SACS: variants seen among roughly 807,000 people sequenced by gnomAD.
SACS encodes sacsin molecular chaperone, also known as sacsin.
Under a neutral mutation model 348.0 loss-of-function variants are expected in SACS, and 197 were observed. That is an observed-to-expected ratio of 0.57 (90% CI 0.50 to 0.64). SACS has a LOEUF of 0.64. SACS is among the 30% of genes least tolerant of loss of function. SACS has a pLI of 0.00. For synonymous variants in SACS, 1,985 were observed against 1,910.6 expected, an observed-to-expected ratio of 1.04 and a Z score of -1.02; for missense variants, 4,999 against 5,360.8, an observed-to-expected ratio of 0.93 and a Z score of 2.11.
At chr13:23,368,906 A>G (rs180732904) in intron 4 of SACS, among the ~76,000 whole-genome samples, 164 of 152,146 alleles carry the variant, frequency 1.1e-3, no homozygotes, top group African/African-American at 2.7e-3. Context: ...TCACCATGTT[A>G]GCCAGGATGG....
At chr13:23,391,014 C>T (rs1038735143) in intron 2 of SACS, among the ~76,000 whole-genome samples, 1 of 152,226 alleles carries the variant, frequency 6.6e-6, no homozygotes, top group Non-Finnish European at 1.5e-5. Context: ...CCCCTCAGTG[C>T]AGACGCCACC....
rs768194797 is a variant in SACS at position 23,354,953 on chromosome 13, G to C, written c.1659C>G (p.Phe553Leu). Residue 553 changes from phenylalanine to leucine, a missense_variant, in exon 8 of 10, where the codon TTC becomes TTG. This residue lies in a region of SACS where 3,156 missense variants were observed against 3,380.1 expected (regional missense o/e 0.93). Transcript: ENST00000382292. ...VHWQPVLEPL[F>L]SELLQNAVIY... Reference sequence around the variant, plus strand: ...TCACTGCATTCTGCAACAGCTCGCTGAATAGAGGCTCTAACACCGGTTGCC... The same window carrying C: ...TCACTGCATTCTGCAACAGCTCGCTCAATAGAGGCTCTAACACCGGTTGCC... The C allele has an allele frequency of 6.2e-7, 1 of 1,614,216 alleles. No homozygotes were observed. Among genetic ancestry groups the C allele is most frequent in the Non-Finnish European group, 8.5e-7 (1 of 1,180,048 alleles).
rs375061528 is a variant in SACS at position 23,339,457 on chromosome 13, T to G, written c.4419A>C (p.Ser1473=). 1.2e-5 allele frequency: 20 copies of G among 1,605,740 alleles called. No homozygotes were observed. Among genetic ancestry groups the G allele is most frequent in the Non-Finnish European group, 1.5e-5 (18 of 1,176,078 alleles). Residue 1473 remains serine, a synonymous_variant, in exon 10 of 10, where the codon TCA becomes TCC. Transcript: ENST00000382292. ...RIKNILEEYP[S]VSDIFKELLQ... ...GTAGTTCTTTAAAAATATCTGACAC[T>G]GAAGGGTATTCTTCCAGAATATTTT...
intron 2 of SACS, among the ~76,000 whole-genome samples, chr13:23,406,635 G>A (rs1873229872): frequency 6.6e-6 from 1 of 152,038 alleles, no homozygotes; most frequent in Non-Finnish European, 1.5e-5. Flanking sequence ...ATGAATTTTA[G>A]TATTTTCAAA....
chr13:23,343,185 C>T (rs1052922175), intron 9 of SACS, among the ~76,000 whole-genome samples: 4 of 152,136 alleles, frequency 2.6e-5, no homozygotes, highest in African/African-American at 9.7e-5. Flanking sequence ...TGATTTTAAC[C>T]ACTGGCCTAG....
intron 6 of SACS, among the ~76,000 whole-genome samples, chr13:23,363,974 C>T (rs73442918): frequency 0.011 from 1,711 of 152,254 alleles, 33 homozygotes; most frequent in African/African-American, 0.039. Flanking sequence ...GGCTAATCCT[C>T]TTATTATAAA....
At chr13:23,423,987 C>T (rs949967632) in intron 1 of SACS, among the ~76,000 whole-genome samples, 3 of 152,128 alleles carry the variant, frequency 2.0e-5, no homozygotes, top group African/African-American at 7.2e-5. Flanking sequence ...TTGTGATGTG[C>T]TGTTTTATAT....
In SACS at chr13:23,355,297, C is replaced by G; in HGVS notation, c.1315G>C (p.Asp439His). Residue 439 changes from aspartate (D) to histidine (H), a missense_variant, in exon 8 of 10, where the codon GAT (aspartate) becomes CAT (histidine). Asp to His is a moderately conservative substitution (Grantham distance 81). Around this residue, in one of 6 missense-constraint regions of SACS, gnomAD observed 3,156 missense variants for 3,380.1 expected, o/e 0.93. Coordinates refer to ENST00000382292, the MANE Select transcript of SACS (RefSeq NM_014363.6). Reference sequence around the variant, plus strand: ...AAACAAAATGCTTTTCCTGAGAAATCAGACGTTGCTCCTTTTGCTTCATCA... The same window carrying G: ...AAACAAAATGCTTTTCCTGAGAAATGAGACGTTGCTCCTTTTGCTTCATCA... Reference protein sequence around the residue: ...RDDEAKGATSDFSGKAFCFLP... With the variant: ...RDDEAKGATSHFSGKAFCFLP... 2 of 1,614,160 alleles carry G rather than the reference C, an allele frequency of 1.2e-6. No homozygotes were observed. Among genetic ancestry groups the G allele is most frequent in the Non-Finnish European group, 8.5e-7 (1 of 1,180,040 alleles).
Position 23,371,148 on chromosome 13 carries a change from C to T in SACS, c.189G>A (p.Lys63=), listed in dbSNP as rs1320060148. 1.2e-6 allele frequency: 2 copies of T among 1,610,578 alleles called. No homozygotes were observed. Among genetic ancestry groups the T allele is most frequent in the African/African-American group, 2.7e-5 (2 of 74,848 alleles). ...RGGRELSDWI[K]IGDLTSKNCH... ...AATTTTTGGAAGTCAGATCTCCAATCTTGATCCAGTCAGATAACTGAAAAA... is the reference window on the plus strand; with the variant it reads ...AATTTTTGGAAGTCAGATCTCCAATTTTGATCCAGTCAGATAACTGAAAAA... The change falls in exon 4 of 10, where the codon AAG becomes AAA. Residue 63 remains lysine, a synonymous_variant. Transcript: ENST00000382292.
intron 2 of SACS, among the ~76,000 whole-genome samples, chr13:23,386,536 T>C (rs1358663257): frequency 6.6e-6 from 1 of 152,242 alleles, no homozygotes; most frequent in African/African-American, 2.4e-5. Context: ...GGTTTGATCT[T>C]CTATCCAGAC....
At chr13:23,391,695 GCA>G (rs1593169472) in intron 2 of SACS, among the ~76,000 whole-genome samples, 1 of 152,172 alleles carries the variant, frequency 6.6e-6, no homozygotes, top group East Asian at 1.9e-4. Flanking sequence ...TTCCCCCTTT[GCA>G]CATAAACCCA....
intron 4 of SACS, among the ~76,000 whole-genome samples, chr13:23,369,585 C>T (rs530668878): frequency 2.7e-4 from 41 of 151,478 alleles, no homozygotes; most frequent in African/African-American, 9.7e-4. Flanking sequence ...CCTTCTATTG[C>T]TCAGGCTGGA....
intron 1 of SACS, among the ~76,000 whole-genome samples, chr13:23,414,641 G>C (rs1388658633): frequency 6.6e-6 from 1 of 152,162 alleles, no homozygotes; most frequent in Admixed American, 6.5e-5. Flanking sequence ...AAACAGCATA[G>C]AGCTCTGTGG....
intron 2 of SACS, among the ~76,000 whole-genome samples, chr13:23,378,403 A>G (rs1055025267): frequency 6.6e-6 from 1 of 152,198 alleles, no homozygotes; most frequent in Non-Finnish European, 1.5e-5. Context: ...TTCAAGGAAT[A>G]TTAAAACCAC....
At chr13:23,387,796 A>G (rs1468916192) in intron 2 of SACS, among the ~76,000 whole-genome samples, 2 of 152,192 alleles carry the variant, frequency 1.3e-5, no homozygotes, top group Non-Finnish European at 2.9e-5. Flanking sequence ...AAACTTTTTT[A>G]TTACAACATG....
chr13:23,344,252 A>G (rs933195470), intron 9 of SACS, among the ~76,000 whole-genome samples: 1 of 152,246 alleles, frequency 6.6e-6, no homozygotes, highest in East Asian at 1.9e-4. Flanking sequence ...TTTGTGCTCT[A>G]TGTTAATAAT....
intron 2 of SACS, among the ~76,000 whole-genome samples, chr13:23,397,040 C>A (rs1438032904): frequency 6.6e-6 from 1 of 152,056 alleles, no homozygotes; most frequent in Non-Finnish European, 1.5e-5. Context: ...TATAAGACAG[C>A]ATAATCCTAT....
chr13:23,330,183 C>T lies in SACS; in HGVS notation c.13693G>A (p.Ala4565Thr), dbSNP rs2137547513. Residue 4565 changes from alanine to threonine, a missense_variant, in exon 10 of 10, where the codon GCC becomes ACC. This residue lies in a region of SACS where 254 missense variants were observed against 275.1 expected (regional missense o/e 0.92). Coordinates refer to ENST00000382292, the MANE Select transcript of SACS (RefSeq NM_014363.6). Reference protein sequence around the residue: ...EVAMRVMECTACIIIKLENFM... With the variant: ...EVAMRVMECTTCIIIKLENFM... ...TTTTCAAGTTTTATTATGATACAGG[C>T]AGTACATTCCATCACCCTCATAGCA... The T allele has an allele frequency of 6.2e-7, 1 of 1,614,046 alleles. No individual in the cohort carries two copies. The highest frequency in any genetic ancestry group is 8.5e-7 in the Non-Finnish European group (1 of 1,179,956).
intron 1 of SACS, among the ~76,000 whole-genome samples, chr13:23,429,091 A>G (rs1874312316): frequency 6.6e-6 from 1 of 152,152 alleles, no homozygotes; most frequent in African/African-American, 2.4e-5. Context: ...ATATGAGTGA[A>G]TTGTATGGTA....
Sources: allele counts gnomAD v4.1 joint callset (sites outside exome capture counted in the v4.1 genomes callset), GRCh38; gene constraint gnomAD v4.1.1; regional missense constraint gnomAD v4.1.1; transcripts MANE v1.5; gene names NCBI Gene and HGNC (gene_info 2026-07-23, HGNC 2026-07-21).